Variants in CDON observed in about 807,000 individuals in gnomAD.
The protein encoded by CDON is cell adhesion molecule-related/down-regulated by oncogenes.
A neutral mutation model predicts 120.9 loss-of-function variants in CDON; 73 were observed. That is an observed-to-expected ratio of 0.60 (90% CI 0.50 to 0.73). CDON has a LOEUF of 0.73. CDON is among the 30% of genes least tolerant of loss of function. The pLI, the probability that CDON is intolerant of heterozygous loss-of-function variation, is 0.00. For missense variants in CDON, 1,470 were observed against 1,587.3 expected (o/e 0.93, Z 1.26); for synonymous variants, 566 against 573.5 (o/e 0.99, Z 0.19).
intron 17 of CDON, 31 bp from the exon 18 acceptor site, chr11:125,978,414 AAAG>A (rs750638974): frequency 4.2e-6 from 6 of 1,424,620 alleles, no homozygotes; most frequent in African/African-American, 2.8e-5. Context: ...GAGAAAAAGA[AAAG>A]AAGAAGGAAT....
intron 1 of CDON, among the ~76,000 whole-genome samples, chr11:126,048,976 TACAGGCGTGAGCCA>T (rs144453096): frequency 0.19 from 28,453 of 152,014 alleles, 3,082 homozygotes; most frequent in African/African-American, 0.27. Flanking sequence ...ATGCTGGGAT[TACAGGCGTGAGCCA>T]ACAGGCGTGA....
chr11:126,038,327 C>A (rs1049414907), intron 1 of CDON, among the ~76,000 whole-genome samples: 1 of 152,024 alleles, frequency 6.6e-6, no homozygotes, highest in Admixed American at 6.6e-5. Context: ...AGAGATAGGT[C>A]TTCTCATGAA....
In CDON at chr11:125,981,419, TACGCACAC is replaced by T. The variant is rs146682526; in HGVS notation, c.2996-98_2996-91del. On this transcript the variant is annotated intron_variant, in intron 16 of 19. Transcript: ENST00000531738. ...GCACACACGCATGCACACATGCACA[TACGCACAC>T]ACGCACACACGCACACAGTAAGACA... 94,414 of 1,322,118 alleles carry T rather than the reference TACGCACAC, an allele frequency of 0.071. 4,300 individuals are homozygous for T. The highest frequency in any genetic ancestry group is 0.15 in the Admixed American group (8,625 of 56,372). The allele number at this position is 1,322,118 out of a possible 1,614,324, so 81.9% of individuals were successfully genotyped here.
At chr11:125,978,891 T>A (rs903257672) in intron 17 of CDON, among the ~76,000 whole-genome samples, 4 of 152,218 alleles carry the variant, frequency 2.6e-5, no homozygotes, top group African/African-American at 9.6e-5. Context: ...ACGCTAAGTT[T>A]TAAAGCATGC....
Position 125,960,859 on chromosome 11 carries a change from GGTCC to G in CDON, c.*79_*82del. 8.4e-7 allele frequency: 1 copy of G among 1,191,588 alleles called. No homozygotes were observed. Among genetic ancestry groups the G allele is most frequent in the East Asian group, 2.3e-5 (1 of 42,928 alleles). 73.8% of individuals were successfully genotyped at this position (1,191,588 alleles called of 1,614,324 possible). A position where few individuals can be genotyped will look rare whatever the true frequency, so the allele number is the denominator to read the frequency against. On this transcript the variant is annotated 3_prime_UTR_variant, in exon 20 of 20. Coordinates refer to ENST00000531738, the MANE Select transcript of CDON (RefSeq NM_001378964.1). Reference sequence around the variant, plus strand: ...AATGATTTTCTCTGATTTGAATTAAGGTCCTTCACACAGTTCGCTCCCAGGCCTG... The same window carrying G: ...AATGATTTTCTCTGATTTGAATTAAGTTCACACAGTTCGCTCCCAGGCCTG...
intron 9 of CDON, chr11:126,004,428 G>C (rs974775660): frequency 2.1e-4 from 62 of 290,644 alleles, no homozygotes; most frequent in Non-Finnish European, 6.0e-5. Flanking sequence ...TAAAATAATA[G>C]GTATCATTGG....
intron 18 of CDON, among the ~76,000 whole-genome samples, chr11:125,973,745 A>G (rs981658096): frequency 1.2e-4 from 19 of 152,104 alleles, no homozygotes; most frequent in Non-Finnish European, 2.9e-5. Flanking sequence ...AAAGCTCTAA[A>G]CTTATTTCCT....
intron 2 of CDON, among the ~76,000 whole-genome samples, chr11:126,022,045 T>A (rs1215897238): frequency 7.2e-6 from 1 of 137,948 alleles, no homozygotes; most frequent in East Asian, 2.1e-4. Flanking sequence ...GAGGCTGCAG[T>A]GAGCCATGAC....
At chr11:125,986,540 C>A (rs1016895438) in intron 15 of CDON, among the ~76,000 whole-genome samples, 1 of 151,962 alleles carries the variant, frequency 6.6e-6, no homozygotes, top group African/African-American at 2.4e-5. Context: ...CGGAGCTGGG[C>A]GGATAACGAG....
At position 126,060,059 on chromosome 11, in the gene CDON, CT is replaced by C. The variant is rs766861965; in HGVS notation, c.-62+2519del. 8.5e-5 allele frequency among the ~76,000 whole-genome samples: 13 copies of C among 152,240 alleles called. No individual in the cohort carries two copies. In the South Asian group the frequency reaches 2.7e-3, roughly 32 times the overall value. On this transcript the variant is annotated intron_variant, in intron 1 of 19. Transcript: ENST00000531738. ...AAAAAGAATCAAGTAAAGCCCTCCC[CT>C]GTGCTGTTGAAAGTGAGTTAGTGCC...
chr11:126,050,590 A>C (rs572509262), intron 1 of CDON, among the ~76,000 whole-genome samples: 17 of 152,198 alleles, frequency 1.1e-4, no homozygotes, highest in Admixed American at 5.9e-4. Flanking sequence ...AAAGTTATTT[A>C]AGAAATGATC....
At chr11:126,022,689 A>G (rs1947675740) in intron 2 of CDON, among the ~76,000 whole-genome samples, 1 of 152,214 alleles carries the variant, frequency 6.6e-6, no homozygotes, top group Non-Finnish European at 1.5e-5. Flanking sequence ...GTGGTTGTTT[A>G]GCAAAACAAA....
At chr11:126,030,100 T>C (rs1013593687) in intron 1 of CDON, among the ~76,000 whole-genome samples, 1 of 152,130 alleles carries the variant, frequency 6.6e-6, no homozygotes, top group Non-Finnish European at 1.5e-5. Context: ...CACATCCACA[T>C]AGAAGGCAAT....
chr11:126,027,495 T>G (rs180929621), intron 1 of CDON, among the ~76,000 whole-genome samples: 1 of 152,338 alleles, frequency 6.6e-6, no homozygotes, highest in African/African-American at 2.4e-5. Flanking sequence ...ATATAATTTA[T>G]TCATATGTGT....
intron 12 of CDON, among the ~76,000 whole-genome samples, chr11:125,995,593 G>A (rs1217996840): frequency 1.3e-5 from 2 of 152,162 alleles, no homozygotes; most frequent in Non-Finnish European, 2.9e-5. Flanking sequence ...TACTGTGGAA[G>A]GAATTGTTTG....
At chr11:125,970,979 G>A (rs1408534123) in intron 18 of CDON, among the ~76,000 whole-genome samples, 1 of 152,146 alleles carries the variant, frequency 6.6e-6, no homozygotes, top group African/African-American at 2.4e-5. Context: ...TGGAAGAGAA[G>A]CTGAATGCCT....
At chr11:125,971,117 C>T (rs1002344141) in intron 18 of CDON, among the ~76,000 whole-genome samples, 1 of 152,138 alleles carries the variant, frequency 6.6e-6, no homozygotes, top group Non-Finnish European at 1.5e-5. Context: ...TCTCCGGTGG[C>T]TCACGCCTGT....
intron 12 of CDON, among the ~76,000 whole-genome samples, chr11:125,996,866 AT>A (rs1401140881): frequency 1.5e-4 from 23 of 151,900 alleles, no homozygotes; most frequent in Admixed American, 6.6e-4. Flanking sequence ...TCGAAAAAAA[AT>A]ATAAGACTAC....
intron 12 of CDON, among the ~76,000 whole-genome samples, chr11:125,996,560 C>T (rs1328104930): frequency 6.6e-5 from 10 of 151,610 alleles, no homozygotes; most frequent in Non-Finnish European, 1.3e-4. Context: ...ATTAGCTGGG[C>T]GTAGTGGCAG....
Sources: gnomAD v4.1 joint callset for allele counts (sites outside exome capture counted in the v4.1 genomes callset) on GRCh38, gnomAD v4.1.1 for gene constraint, MANE v1.5 for transcripts, NCBI Gene and HGNC (gene_info 2026-07-23, HGNC 2026-07-21) for gene names.